SLC14A1: variants seen among roughly 807,000 people sequenced by gnomAD.
SLC14A1 encodes the protein urea transporter 1.
SLC14A1 carries 36 observed loss-of-function variants against 39.6 expected under a neutral mutation model. The observed-to-expected ratio is 0.91, with a 90% CI of 0.70 to 1.20. The LOEUF (loss-of-function observed/expected upper bound fraction) is 1.20, where lower values mean the gene tolerates loss of function less well. Among genes scored for constraint, SLC14A1 ranks in the 50% most tolerant of loss-of-function variants. The pLI, the probability that SLC14A1 is intolerant of heterozygous loss-of-function variation, is 0.00. For missense variants in SLC14A1, 469 were observed against 478.7 expected, an observed-to-expected ratio of 0.98 and a Z score of 0.19; for synonymous variants, 164 against 173.6, an observed-to-expected ratio of 0.94 and a Z score of 0.43.
In SLC14A1 at chr18:45,752,005, G is replaced by A. The variant is rs2047724437; in HGVS notation, c.*2054G>A. ...AGTAAACCTACAAATATTTTAGGGA[G>A]AAGCTCACTTCTTCCTTTTCTCAGG... On this transcript the variant is annotated 3_prime_UTR_variant, in exon 10 of 10. Coordinates refer to ENST00000321925, the MANE Select transcript of SLC14A1 (RefSeq NM_015865.7). The A allele has an allele frequency of 1.0e-6, 1 of 985,188 alleles. No individual in the cohort carries two copies. Among genetic ancestry groups the A allele is most frequent in the South Asian group, 4.7e-5 (1 of 21,288 alleles). 61.0% of individuals were successfully genotyped at this position (985,188 alleles called of 1,614,324 possible).
chr18:45,751,663 G>A lies in SLC14A1; in HGVS notation c.*1712G>A. The A allele has an allele frequency of 2.3e-6, 1 of 427,860 alleles. No individual in the cohort carries two copies. The highest frequency in any genetic ancestry group is 3.1e-6 in the Non-Finnish European group (1 of 321,164). The allele number at this position is 427,860 out of a possible 1,614,324, so 26.5% of individuals were successfully genotyped here. A position where few individuals can be genotyped will look rare whatever the true frequency, so the allele number is the denominator to read the frequency against. ...CCAGGTGTAGCAGCACACATCTGCAGCAGCTACTCAGGAGGCTGAGGTGGA... is the reference window on the plus strand; with the variant it reads ...CCAGGTGTAGCAGCACACATCTGCAACAGCTACTCAGGAGGCTGAGGTGGA... On this transcript the variant is annotated 3_prime_UTR_variant, in exon 10 of 10. Transcript: ENST00000321925.
At chr18:45,727,447 C>CG (rs1463568782) in intron 2 of SLC14A1, 1 of 1,527,062 alleles carries the variant, frequency 6.5e-7, no homozygotes, top group Admixed American at 2.0e-5. Context: ...GCCTCTGGCT[C>CG]GGGGAACCTG....
chr18:45,748,270 T>G (rs550098612), intron 8 of SLC14A1, 106 bp from the exon 9 acceptor site: 1 of 1,196,056 alleles, frequency 8.4e-7, no homozygotes, highest in South Asian at 1.2e-5. Context: ...ATGCTTGTAA[T>G]CAGGGCACTG....
chr18:45,725,502 CTCTT>C (rs1051790228), intron 2 of SLC14A1, among the ~76,000 whole-genome samples: 3 of 152,164 alleles, frequency 2.0e-5, no homozygotes, highest in Non-Finnish European at 4.4e-5. Context: ...GATAGCAGAG[CTCTT>C]TCTTTGTGGT....
chr18:45,744,310 G>C (rs1166216100), intron 8 of SLC14A1, among the ~76,000 whole-genome samples: 1 of 152,180 alleles, frequency 6.6e-6, no homozygotes, highest in East Asian at 1.9e-4. Context: ...CTTTTTCAAA[G>C]AGGGTTTGCA....
At chr18:45,728,579 A>G (rs1208965291) in intron 2 of SLC14A1, among the ~76,000 whole-genome samples, 1 of 152,236 alleles carries the variant, frequency 6.6e-6, no homozygotes, top group Admixed American at 6.5e-5. Context: ...CAGCTATGAA[A>G]TTTGAAGAGG....
At chr18:45,731,937 A>G (rs1354031994) in intron 4 of SLC14A1, among the ~76,000 whole-genome samples, 4 of 152,188 alleles carry the variant, frequency 2.6e-5, no homozygotes, top group African/African-American at 9.7e-5. Flanking sequence ...ACTGGCTGCA[A>G]ATTGCCTAAA....
chr18:45,724,662 GTGTCTACAAGAC>G (rs1237004244), intron 1 of SLC14A1, among the ~76,000 whole-genome samples: 1 of 152,332 alleles, frequency 6.6e-6, no homozygotes, highest in African/African-American at 2.4e-5. Flanking sequence ...TTCGAGGCGA[GTGTCTACAAGAC>G]TCAAAAGAAA....
At chr18:45,728,490 C>A (rs2046933124) in intron 2 of SLC14A1, among the ~76,000 whole-genome samples, 2 of 152,098 alleles carry the variant, frequency 1.3e-5, no homozygotes, top group Admixed American at 1.3e-4. Context: ...TGAGCTGAAG[C>A]CTGATGCCTC....
At chr18:45,747,414 C>T (rs915440140) in intron 8 of SLC14A1, among the ~76,000 whole-genome samples, 14 of 152,100 alleles carry the variant, frequency 9.2e-5, no homozygotes, top group South Asian at 2.1e-4. Context: ...GTTGGCTGGG[C>T]GCGGTGGCTC....
At position 45,735,863 on chromosome 18, in the gene SLC14A1, C is replaced by G. The variant is rs554212174; in HGVS notation, c.471-593C>G. ...GCCTATGAGGGACCTCGGGACCATG[C>G]AGCCCAGCCCCACAGTTTATGGGCT... On this transcript the variant is annotated intron_variant, in intron 5 of 9. Coordinates refer to ENST00000321925, the MANE Select transcript of SLC14A1 (RefSeq NM_015865.7). 3.3e-5 allele frequency among the ~76,000 whole-genome samples: 5 copies of G among 152,324 alleles called. No homozygotes were observed. The East Asian group carries it at 9.6e-4, about 29-fold the overall frequency.
At chr18:45,727,502 G>C in intron 2 of SLC14A1, 1 of 1,428,624 alleles carries the variant, frequency 7.0e-7, no homozygotes, top group Non-Finnish European at 9.3e-7. Context: ...GGCAGAGCCT[G>C]GGAAGTGGGG....
At chr18:45,742,516 C>A (rs1037390815) in intron 8 of SLC14A1, among the ~76,000 whole-genome samples, 60 of 151,352 alleles carry the variant, frequency 4.0e-4, no homozygotes, top group African/African-American at 1.4e-3. Flanking sequence ...CGCACCATCA[C>A]GCCTAGCTAA....
Position 45,750,966 on chromosome 18 carries a change from T to C in SLC14A1, c.*1015T>C. On this transcript the variant is annotated 3_prime_UTR_variant, in exon 10 of 10. Coordinates refer to ENST00000321925, the MANE Select transcript of SLC14A1 (RefSeq NM_015865.7). ...GTGTTATTTTTATAAGTTGTTGAAT[T>C]CCTTAATTTAAAAAAGCTCATTATT... The C allele has an allele frequency of 1.0e-6, 1 of 984,982 alleles. No individual in the cohort carries two copies. Among genetic ancestry groups the C allele is most frequent in the African/African-American group, 1.7e-5 (1 of 57,362 alleles). The allele number at this position is 984,982 out of a possible 1,614,324, so 61.0% of individuals were successfully genotyped here.
chr18:45,746,475 C>T (rs1381101156), intron 8 of SLC14A1, among the ~76,000 whole-genome samples: 2 of 152,220 alleles, frequency 1.3e-5, no homozygotes, highest in African/African-American at 2.4e-5. Context: ...GAGACGTAAA[C>T]GTGCCAAAAG....
Position 45,751,670 on chromosome 18 carries a change from C to G in SLC14A1, c.*1719C>G. On this transcript the variant is annotated 3_prime_UTR_variant, in exon 10 of 10. Coordinates refer to ENST00000321925, the MANE Select transcript of SLC14A1 (RefSeq NM_015865.7). ...TAGCAGCACACATCTGCAGCAGCTA[C>G]TCAGGAGGCTGAGGTGGAAAGATCG... is the stretch of plus-strand genomic sequence containing the variant. 3 of 423,246 alleles carry G rather than the reference C, an allele frequency of 7.1e-6. No homozygotes were observed. The highest frequency in any genetic ancestry group is 9.5e-6 in the Non-Finnish European group (3 of 316,752). 26.2% of individuals were successfully genotyped at this position (423,246 alleles called of 1,614,324 possible). A position where few individuals can be genotyped will look rare whatever the true frequency, so the allele number is the denominator to read the frequency against.
chr18:45,750,941 G>T lies in SLC14A1; in HGVS notation c.*990G>T, dbSNP rs1020837458. 5.1e-6 allele frequency: 5 copies of T among 984,582 alleles called. No homozygotes were observed. Among genetic ancestry groups the T allele is most frequent in the Non-Finnish European group, 6.0e-6 (5 of 829,190 alleles). 61.0% of individuals were successfully genotyped at this position (984,582 alleles called of 1,614,324 possible). The stretch of plus-strand genomic sequence containing the variant: ...AAGGCAAAGGTCAGATTGCTTACGG[G>T]TGTTATTTTTATAAGTTGTTGAATT... On this transcript the variant is annotated 3_prime_UTR_variant, in exon 10 of 10. Coordinates refer to ENST00000321925, the MANE Select transcript of SLC14A1 (RefSeq NM_015865.7).
At chr18:45,749,011 C>A (rs570056638) in intron 9 of SLC14A1, among the ~76,000 whole-genome samples, 44 of 152,274 alleles carry the variant, frequency 2.9e-4, no homozygotes, top group African/African-American at 9.1e-4. Context: ...GATTCACAGG[C>A]ATCAGTCCCA....
chr18:45,731,293 C>T, intron 4 of SLC14A1, 89 bp downstream of exon 4: 3 of 1,254,572 alleles, frequency 2.4e-6, no homozygotes, highest in Non-Finnish European at 3.5e-6. Flanking sequence ...AAACCACATC[C>T]TTCCCAGGAT....
Sources: allele counts gnomAD v4.1 joint callset (sites outside exome capture counted in the v4.1 genomes callset), GRCh38; gene constraint gnomAD v4.1.1; transcripts MANE v1.5; gene names NCBI Gene and HGNC (gene_info 2026-07-23, HGNC 2026-07-21).